Variants in RAB2A observed in about 807,000 individuals in gnomAD.
The protein encoded by RAB2A is RAB2A, member RAS oncogene family.
Under a neutral mutation model 32.5 loss-of-function variants are expected in RAB2A, and 7 were observed. The observed-to-expected ratio is 0.22, with a 90% confidence interval of 0.12 to 0.40. The LOEUF (loss-of-function observed/expected upper bound fraction) is 0.40. Ranked by LOEUF, RAB2A falls within the 10% of genes least tolerant of loss-of-function variation. The pLI is 1.00. For synonymous variants in RAB2A, 79 were observed against 85.2 expected (o/e 0.93, Z 0.40); for missense variants, 108 against 260.7 (o/e 0.41, Z 4.03).
At position 60,540,255 on chromosome 8, in the gene RAB2A, T is replaced by C. The variant is rs142565874; in HGVS notation, c.47-18597T>C. On this transcript the variant is annotated intron_variant, in intron 1 of 7. Transcript: ENST00000262646. The stretch of plus-strand genomic sequence containing the variant: ...GTAGAATAGATTAGAAGGGTACGGG[T>C]ATATAGTTAGATGGTAATTAAAATG... Among the ~76,000 whole-genome samples the C allele has an allele frequency of 2.3e-4, 35 of 151,042 alleles. No individual in the cohort carries two copies. The Middle Eastern group carries it at 0.014, about 59-fold the overall frequency.
In RAB2A at chr8:60,623,071, AAC is replaced by A. The variant is rs1308099646; in HGVS notation, c.*2306_*2307del. ...AGAAAATCAGTCACTGAAAAAAATA[AAC>A]ACAGCTTTCAATGTCTCACTCAACA... On this transcript the variant is annotated 3_prime_UTR_variant, in exon 8 of 8. Transcript: ENST00000262646. 1 of 152,230 alleles carries A rather than the reference AAC, an allele frequency of 6.6e-6. No individual in the cohort carries two copies. Among genetic ancestry groups the A allele is most frequent in the Admixed American group, 6.5e-5 (1 of 15,284 alleles). 9.4% of individuals were successfully genotyped at this position (152,230 alleles called of 1,614,324 possible).
At chr8:60,591,343 C>A (rs1803941278) in intron 5 of RAB2A, among the ~76,000 whole-genome samples, 1 of 140,964 alleles carries the variant, frequency 7.1e-6, no homozygotes. Flanking sequence ...CTGTCTATAT[C>A]AATTTTGCTT....
intron 1 of RAB2A, among the ~76,000 whole-genome samples, chr8:60,530,480 G>T (rs1487212903): frequency 6.6e-6 from 1 of 151,922 alleles, no homozygotes; most frequent in Non-Finnish European, 1.5e-5. Context: ...CTGCAGAAAT[G>T]GGTCTTGCCA....
chr8:60,577,833 G>A (rs557739162), intron 3 of RAB2A, among the ~76,000 whole-genome samples: 74 of 136,854 alleles, frequency 5.4e-4, no homozygotes, highest in African/African-American at 1.9e-3. Flanking sequence ...TAGTGGAGAC[G>A]AGGTTTCACC....
At chr8:60,609,484 T>C (rs1383305624) in intron 6 of RAB2A, among the ~76,000 whole-genome samples, 1 of 152,242 alleles carries the variant, frequency 6.6e-6, no homozygotes, top group African/African-American at 2.4e-5. Flanking sequence ...CAGACTCTTT[T>C]CATTTCTGCA....
intron 5 of RAB2A, among the ~76,000 whole-genome samples, chr8:60,591,345 A>G (rs2130853638): frequency 6.6e-6 from 1 of 151,478 alleles, no homozygotes; most frequent in South Asian, 2.1e-4. Context: ...GTCTATATCA[A>G]TTTTGCTTTA....
chr8:60,551,101 T>G lies in RAB2A; in HGVS notation c.47-7751T>G, dbSNP rs1807840916. ...GACTACCTGGTTAAATAACACATCT[T>G]CCTCCTTCCCTCCACCCCAGCGTTT... is the stretch of plus-strand genomic sequence containing the variant. On this transcript the variant is annotated intron_variant, in intron 1 of 7. Coordinates refer to ENST00000262646, the MANE Select transcript of RAB2A (RefSeq NM_002865.3). Among the ~76,000 whole-genome samples, 3 of 152,148 alleles carry G rather than the reference T, an allele frequency of 2.0e-5. No individual in the cohort carries two copies. In the South Asian group the frequency reaches 6.2e-4, roughly 32 times the overall value.
chr8:60,602,045 A>ATT (rs796147981), intron 6 of RAB2A, among the ~76,000 whole-genome samples: 2 of 145,228 alleles, frequency 1.4e-5, no homozygotes, highest in Non-Finnish European at 3.0e-5. Flanking sequence ...TGCCCAGCTA[A>ATT]TTTTTTTTTT....
intron 2 of RAB2A, among the ~76,000 whole-genome samples, chr8:60,562,024 T>G (rs760089398): frequency 1.3e-5 from 2 of 152,222 alleles, no homozygotes; most frequent in Non-Finnish European, 2.9e-5. Flanking sequence ...TGCCGTCAAG[T>G]CTTTGCTGCT....
chr8:60,588,925 C>T (rs147339662), intron 5 of RAB2A, among the ~76,000 whole-genome samples: 4 of 152,200 alleles, frequency 2.6e-5, no homozygotes, highest in Non-Finnish European at 4.4e-5. Context: ...TTATAAAAAG[C>T]TAAACATTGT....
chr8:60,616,358 C>T (rs1442422353), intron 6 of RAB2A, among the ~76,000 whole-genome samples: 4 of 152,186 alleles, frequency 2.6e-5, no homozygotes, highest in African/African-American at 9.7e-5. Context: ...TTATAACTCA[C>T]TTATGGGGCC....
chr8:60,537,523 C>T (rs1807576721), intron 1 of RAB2A, among the ~76,000 whole-genome samples: 1 of 152,128 alleles, frequency 6.6e-6, no homozygotes, highest in Non-Finnish European at 1.5e-5. Context: ...ACACCTCACC[C>T]ATCTAATTCT....
chr8:60,610,018 T>G (rs190471556), intron 6 of RAB2A, among the ~76,000 whole-genome samples: 4 of 151,124 alleles, frequency 2.6e-5, no homozygotes, highest in Non-Finnish European at 5.9e-5. Context: ...CATCAGGTGC[T>G]TCTTCCTTCA....
chr8:60,572,497 A>G (rs1244917114), intron 3 of RAB2A, among the ~76,000 whole-genome samples: 1 of 152,244 alleles, frequency 6.6e-6, no homozygotes, highest in Non-Finnish European at 1.5e-5. Flanking sequence ...TAGTCCTAAC[A>G]ACTTGAAGTC....
intron 1 of RAB2A, among the ~76,000 whole-genome samples, chr8:60,541,722 G>A (rs1807648780): frequency 6.6e-6 from 1 of 152,152 alleles, no homozygotes; most frequent in Non-Finnish European, 1.5e-5. Context: ...TTAGTAAGTA[G>A]TTGCTGAATA....
At chr8:60,550,116 A>G (rs1167769463) in intron 1 of RAB2A, among the ~76,000 whole-genome samples, 2 of 152,178 alleles carry the variant, frequency 1.3e-5, no homozygotes, top group Non-Finnish European at 2.9e-5. Flanking sequence ...TAGACATCTC[A>G]ACTCAAAATA....
intron 6 of RAB2A, among the ~76,000 whole-genome samples, chr8:60,602,068 A>G (rs1225070892): frequency 6.6e-6 from 1 of 151,734 alleles, no homozygotes; most frequent in Non-Finnish European, 1.5e-5. Context: ...TGTAGAGGCA[A>G]AGTCTTGCCA....
chr8:60,558,041 A>C (rs1807965051), intron 1 of RAB2A, among the ~76,000 whole-genome samples: 3 of 152,220 alleles, frequency 2.0e-5, no homozygotes, highest in Admixed American at 2.0e-4. Flanking sequence ...CTGTATTTTC[A>C]AGTCCTAGTG....
intron 3 of RAB2A, among the ~76,000 whole-genome samples, chr8:60,575,589 G>A (rs537313977): frequency 2.0e-5 from 3 of 147,898 alleles, no homozygotes; most frequent in South Asian, 2.1e-4. Context: ...TTAGCCAAAT[G>A]TTATTATTTG....
Sources: gnomAD v4.1 joint callset for allele counts (sites outside exome capture counted in the v4.1 genomes callset) on GRCh38, gnomAD v4.1.1 for gene constraint, MANE v1.5 for transcripts, NCBI Gene and HGNC (gene_info 2026-07-23, HGNC 2026-07-21) for gene names.